ADAMTS17: variants seen among roughly 807,000 people sequenced by gnomAD.
ADAMTS17 encodes the protein ADAM metallopeptidase with thrombospondin type 1 motif 17, also known as A disintegrin and metalloproteinase with thrombospondin motifs 17.
ADAMTS17 carries 113 observed loss-of-function variants against 141.5 expected under a neutral mutation model. That is an observed-to-expected ratio of 0.80 (90% CI 0.69 to 0.93). The LOEUF (loss-of-function observed/expected upper bound fraction) is 0.93. Among genes scored for constraint, ADAMTS17 ranks in the 40% least tolerant of loss-of-function variants. ADAMTS17 has a pLI of 0.00. For missense variants in ADAMTS17, 1,659 were observed against 1,517.9 expected (o/e 1.09, Z -1.54); for synonymous variants, 768 against 630.6 (o/e 1.22, Z -3.27).
At chr15:100,048,099 G>A (rs951722809) in intron 18 of ADAMTS17, among the ~76,000 whole-genome samples, 1 of 152,140 alleles carries the variant, frequency 6.6e-6, no homozygotes. Flanking sequence ...CACAAATTGA[G>A]TTAAGAAACC....
chr15:100,005,581 A>AG (rs1369432948), intron 18 of ADAMTS17, among the ~76,000 whole-genome samples: 4 of 151,992 alleles, frequency 2.6e-5, no homozygotes, highest in Non-Finnish European at 5.9e-5. Flanking sequence ...ACCTGGAAGG[A>AG]CCCTTGTGAT....
intron 8 of ADAMTS17, among the ~76,000 whole-genome samples, chr15:100,170,099 T>C (rs1043795426): frequency 4.0e-5 from 6 of 151,828 alleles, no homozygotes; most frequent in African/African-American, 1.5e-4. Flanking sequence ...CACCATGAGA[T>C]GTTACGTGGG....
intron 7 of ADAMTS17, among the ~76,000 whole-genome samples, chr15:100,230,924 GC>G (rs2042461528): frequency 6.6e-6 from 1 of 152,148 alleles, no homozygotes; most frequent in Admixed American, 6.5e-5. Context: ...GACAAGAACA[GC>G]CCACGGGGGG....
chr15:100,117,089 C>T, intron 12 of ADAMTS17, 76 bp from the exon 13 acceptor site: 1 of 1,517,836 alleles, frequency 6.6e-7, no homozygotes, highest in South Asian at 1.2e-5. Flanking sequence ...GTCTCTCTTG[C>T]CAGGGGGAGG....
At chr15:100,222,696 G>T (rs7181664) in intron 7 of ADAMTS17, among the ~76,000 whole-genome samples, 4,734 of 152,300 alleles carry the variant, frequency 0.031, 253 homozygotes, top group African/African-American at 0.11. Flanking sequence ...CGACTGAGGG[G>T]TCATGCCTGG....
At chr15:100,141,277 C>T (rs1311113311) in intron 10 of ADAMTS17, among the ~76,000 whole-genome samples, 2 of 152,206 alleles carry the variant, frequency 1.3e-5, no homozygotes, top group East Asian at 3.9e-4. Context: ...CCATTGCTCA[C>T]GTACACGAGC....
At chr15:100,279,580 A>T (rs1412301687) in intron 4 of ADAMTS17, among the ~76,000 whole-genome samples, 1 of 152,216 alleles carries the variant, frequency 6.6e-6, no homozygotes, top group Non-Finnish European at 1.5e-5. Context: ...ATTTGTGGCC[A>T]GGCACTGTGC....
chr15:100,113,489 G>C (rs937783451), intron 13 of ADAMTS17, among the ~76,000 whole-genome samples: 1 of 152,306 alleles, frequency 6.6e-6, no homozygotes, highest in Non-Finnish European at 1.5e-5. Flanking sequence ...TTGATGCACT[G>C]TCATTACCTT....
chr15:100,157,888 C>CTTTTTTTTTT (rs1215411149), intron 8 of ADAMTS17, among the ~76,000 whole-genome samples: 6 of 141,458 alleles, frequency 4.2e-5, no homozygotes, highest in South Asian at 4.6e-4. Flanking sequence ...TAGCTATATT[C>CTTTTTTTTTT]TTTTTTTTTT....
At chr15:99,984,070 G>A (rs896232152) in intron 20 of ADAMTS17, among the ~76,000 whole-genome samples, 2 of 152,060 alleles carry the variant, frequency 1.3e-5, no homozygotes, top group South Asian at 2.1e-4. Flanking sequence ...CCCCTCCCAC[G>A]CCCCCTGCGA....
At chr15:100,307,954 C>A (rs1164899342) in intron 3 of ADAMTS17, among the ~76,000 whole-genome samples, 1 of 151,958 alleles carries the variant, frequency 6.6e-6, no homozygotes, top group African/African-American at 2.4e-5. Context: ...ATGAAAAATA[C>A]AAAATTCAAC....
At chr15:100,129,005 A>C (rs1339420615) in intron 12 of ADAMTS17, 1 of 152,194 alleles carries the variant, frequency 6.6e-6, no homozygotes, top group Non-Finnish European at 1.5e-5. Flanking sequence ...AGAGGCACCT[A>C]TGGCATTTGC....
chr15:100,223,440 C>G (rs2042196968), intron 7 of ADAMTS17, among the ~76,000 whole-genome samples: 1 of 151,984 alleles, frequency 6.6e-6, no homozygotes, highest in Middle Eastern at 3.2e-3. Flanking sequence ...AAGTATATAA[C>G]CATGTTTCAA....
intron 8 of ADAMTS17, among the ~76,000 whole-genome samples, chr15:100,188,347 G>C (rs1238973166): frequency 6.6e-6 from 1 of 151,658 alleles, no homozygotes; most frequent in Non-Finnish European, 1.5e-5. Context: ...GAAATGCTGG[G>C]ATTTTAGGCA....
intron 4 of ADAMTS17, among the ~76,000 whole-genome samples, chr15:100,268,772 A>G (rs1347282242): frequency 6.6e-6 from 1 of 152,226 alleles, no homozygotes; most frequent in Non-Finnish European, 1.5e-5. Context: ...AGAATTAGAA[A>G]AAACTATTCT....
At chr15:100,153,256 C>G (rs937028183) in intron 9 of ADAMTS17, among the ~76,000 whole-genome samples, 4 of 152,296 alleles carry the variant, frequency 2.6e-5, no homozygotes, top group Admixed American at 2.0e-4. Context: ...ACCACGCTAT[C>G]CCTGAAAGCC....
chr15:100,188,393 T>TAA (rs532563731), intron 8 of ADAMTS17, among the ~76,000 whole-genome samples: 29 of 143,022 alleles, frequency 2.0e-4, no homozygotes, highest in African/African-American at 5.8e-4. Context: ...CCCTGTCTCT[T>TAA]AAAAAAAAAA....
At chr15:100,168,203 A>C (rs984700964) in intron 8 of ADAMTS17, among the ~76,000 whole-genome samples, 1 of 152,214 alleles carries the variant, frequency 6.6e-6, no homozygotes, top group Admixed American at 6.5e-5. Flanking sequence ...TGGTCTGCCA[A>C]GGGTGCACTG....
Position 99,997,694 on chromosome 15 carries a change from AG to A in ADAMTS17, c.2592-106del. 1 of 1,419,480 alleles carries A rather than the reference AG, an allele frequency of 7.0e-7. No individual in the cohort carries two copies. The highest frequency in any genetic ancestry group is 9.8e-7 in the Non-Finnish European group (1 of 1,017,910). The allele number at this position is 1,419,480 out of a possible 1,614,324, so 87.9% of individuals were successfully genotyped here. A position where few individuals can be genotyped will look rare whatever the true frequency, so the allele number is the denominator to read the frequency against. Reference sequence around the variant, plus strand: ...GAATTGCTGCCCTGTGGTGGGAGAGAGGGAGGCAGACTCAGGAAGCTTTTCA... The same window carrying A: ...GAATTGCTGCCCTGTGGTGGGAGAGAGGAGGCAGACTCAGGAAGCTTTTCA... On this transcript the variant is annotated intron_variant, in intron 18 of 21. Coordinates refer to ENST00000268070, the MANE Select transcript of ADAMTS17 (RefSeq NM_139057.4). The surrounding 1 kb of genome is among the most constrained non-coding windows in gnomAD (Gnocchi z 4.7).
Sources: gnomAD v4.1 joint callset for allele counts (sites outside exome capture counted in the v4.1 genomes callset) on GRCh38, gnomAD v4.1.1 for gene constraint, Gnocchi (gnomAD v3.1) non-coding constraint, MANE v1.5 for transcripts, NCBI Gene and HGNC (gene_info 2026-07-23, HGNC 2026-07-21) for gene names.